SUPT16H: variants seen among roughly 807,000 people sequenced by gnomAD.
The protein encoded by SUPT16H is SPT16 homolog, facilitates chromatin remodeling subunit.
Under a neutral mutation model 136.2 loss-of-function variants are expected in SUPT16H, and 24 were observed. The ratio of observed to expected loss-of-function variants is 0.18; its 90% CI spans 0.13 to 0.25. The LOEUF is 0.25. Ranked by LOEUF, SUPT16H falls within the 10% of genes least tolerant of loss-of-function variation. The probability of loss-of-function intolerance (pLI) is 1.00; values close to 1 mark genes in which losing one functional copy is unlikely to be tolerated. For synonymous variants in SUPT16H, 415 were observed against 428.2 expected (o/e 0.97, Z 0.38); for missense variants, 623 against 1,270.2 (o/e 0.49, Z 7.74).
intron 3 of SUPT16H, 55 bp from the exon 4 acceptor site, chr14:21,370,543 C>A (rs1566390895): frequency 3.8e-6 from 6 of 1,570,362 alleles, no homozygotes; most frequent in Admixed American, 1.8e-5. Flanking sequence ...TCATTAGACA[C>A]GTTTTACCAG....
chr14:21,369,125 A>C (rs903517554), intron 6 of SUPT16H, 79 bp downstream of exon 6: 252 of 1,507,190 alleles, frequency 1.7e-4, no homozygotes, highest in Admixed American at 3.3e-4. Flanking sequence ...AGTGTACCCC[A>C]CAAATTTGTA....
intron 3 of SUPT16H, 83 bp downstream of exon 3, chr14:21,371,791 C>A: frequency 1.3e-6 from 2 of 1,529,470 alleles, no homozygotes; most frequent in Non-Finnish European, 1.8e-6. Context: ...CCTGCGCATT[C>A]TTTCAAACTC....
Position 21,363,489 on chromosome 14 carries a change from A to G in SUPT16H, c.1248T>C (p.Thr416=). 6.2e-7 allele frequency: 1 copy of G among 1,613,466 alleles called. No individual in the cohort carries two copies. Among genetic ancestry groups the G allele is most frequent in the Non-Finnish European group, 8.5e-7 (1 of 1,179,880 alleles). Residue 416 remains threonine, a synonymous_variant, in exon 11 of 26, where the codon ACT becomes ACC. Transcript: ENST00000216297. ...CTTTCTTCTTCACAGAAGTGAGAAC[A>G]GTAGCTGGGCCATCCTAGAATTAAA... ...TVLVDEDGPA[T]VLTSVKKKVK... is the part of the protein sequence containing the mutation.
Position 21,353,538 on chromosome 14 carries a change from T to C in SUPT16H, c.2948A>G (p.Glu983Gly). 1.2e-6 allele frequency: 2 copies of C among 1,614,142 alleles called. No individual in the cohort carries two copies. Among genetic ancestry groups the C allele is most frequent in the Non-Finnish European group, 1.7e-6 (2 of 1,180,010 alleles). The change falls in exon 25 of 26, where the codon GAA becomes GGA. Residue 983 changes from glutamate (E) to glycine (G), a missense_variant. Transcript: ENST00000216297. Reference protein sequence around the residue: ...SDYSKESLGSEEESGKDWDEL... With the variant: ...SDYSKESLGSGEESGKDWDEL... ...ATCCCAATCCTTTCCACTCTCTTCT[T>C]CACTACCCAATGACTCCTTAGAATA...
chr14:21,366,165 T>C (rs1218729704), intron 8 of SUPT16H, among the ~76,000 whole-genome samples: 1 of 152,140 alleles, frequency 6.6e-6, no homozygotes, highest in Non-Finnish European at 1.5e-5. Flanking sequence ...GGAGATATAG[T>C]ATGTATTGAT....
chr14:21,362,066 C>T (rs1034884323), intron 15 of SUPT16H, 131 bp downstream of exon 15: 42 of 1,135,402 alleles, frequency 3.7e-5, no homozygotes, highest in Middle Eastern at 3.1e-4. Flanking sequence ...GAAGGCGATC[C>T]GAAACAAGTA....
Position 21,361,695 on chromosome 14 carries a change from C to A in SUPT16H, c.1794-482G>T, listed in dbSNP as rs914879143. Among the ~76,000 whole-genome samples, 9 of 152,134 alleles carry A rather than the reference C, an allele frequency of 5.9e-5. 1 individual carries two copies. The highest frequency in any genetic ancestry group is 3.2e-3 in the Middle Eastern group (1 of 316). On this transcript the variant is annotated intron_variant, in intron 15 of 25. Transcript: ENST00000216297. ...TTTCACACCATGAAATCATAGAATC[C>A]AATGTGGCACCAGTTTTCTTATTTG...
intron 14 of SUPT16H, 112 bp downstream of exon 14, chr14:21,362,682 G>A (rs1648349389): frequency 8.0e-7 from 1 of 1,243,934 alleles, no homozygotes; most frequent in African/African-American, 1.5e-5. Context: ...ACTGAACAGA[G>A]TCTGAAGGAG....
At position 21,375,860 on chromosome 14, in the gene SUPT16H, T is replaced by C. The variant is rs574698180; in HGVS notation, c.67-2430A>G. On this transcript the variant is annotated intron_variant, in intron 1 of 25. Coordinates refer to ENST00000216297, the MANE Select transcript of SUPT16H (RefSeq NM_007192.4). The stretch of plus-strand genomic sequence containing the variant: ...CTCCTGCCTTGGCCTCCCAAAATGC[T>C]AGGATCACAGGTGTGAGCCACTGTG... Among the ~76,000 whole-genome samples the C allele has an allele frequency of 7.4e-4, 113 of 152,376 alleles. 1 individual carries two copies. The highest frequency in any genetic ancestry group is 1.3e-3 in the Non-Finnish European group (86 of 68,036).
chr14:21,382,655 C>T (rs891194370), intron 1 of SUPT16H, among the ~76,000 whole-genome samples: 24 of 119,260 alleles, frequency 2.0e-4, no homozygotes, highest in Non-Finnish European at 3.3e-4. Context: ...TTTCTAACAT[C>T]GATTATGTTT....
chr14:21,370,797 GAGAC>G (rs1318135024), intron 3 of SUPT16H, among the ~76,000 whole-genome samples: 1 of 140,928 alleles, frequency 7.1e-6, no homozygotes, highest in African/African-American at 2.6e-5. Context: ...TTTTTTTTTT[GAGAC>G]AGACTTGCTC....
intron 3 of SUPT16H, 68 bp downstream of exon 3, chr14:21,371,806 A>G (rs2139412996): frequency 6.3e-7 from 1 of 1,582,414 alleles, no homozygotes; most frequent in African/African-American, 1.4e-5. Context: ...AAACTCCTAT[A>G]AGGCATTTCT....
chr14:21,353,465 A>G, intron 25 of SUPT16H, 23 bp downstream of exon 25: 1 of 1,608,770 alleles, frequency 6.2e-7, no homozygotes, highest in Non-Finnish European at 8.5e-7. Context: ...CAAATGAATA[A>G]AAAACAACAC....
chr14:21,377,613 G>A (rs559961391), intron 1 of SUPT16H, among the ~76,000 whole-genome samples: 1 of 93,006 alleles, frequency 1.1e-5, no homozygotes, highest in South Asian at 5.4e-4. Flanking sequence ...AGTGGAGCTA[G>A]TGGTGAGCTT....
At chr14:21,367,936 G>C (rs1401534565) in intron 7 of SUPT16H, among the ~76,000 whole-genome samples, 8 of 152,144 alleles carry the variant, frequency 5.3e-5, no homozygotes, top group Non-Finnish European at 1.2e-4. Context: ...TATTGCCCAG[G>C]CTGGAGTGCA....
intron 3 of SUPT16H, among the ~76,000 whole-genome samples, chr14:21,371,132 A>C (rs1291661152): frequency 6.6e-6 from 1 of 151,900 alleles, no homozygotes; most frequent in Non-Finnish European, 1.5e-5. Flanking sequence ...TCGGCCTCTC[A>C]AAGTATTGGG....
chr14:21,377,266 A>G (rs941409962), intron 1 of SUPT16H, among the ~76,000 whole-genome samples: 1 of 152,202 alleles, frequency 6.6e-6, no homozygotes, highest in Non-Finnish European at 1.5e-5. Context: ...CAAAAGAGAC[A>G]TATCAAAGCA....
Position 21,352,529 on chromosome 14 carries a change from T to C in SUPT16H, c.*144A>G, listed in dbSNP as rs1886335502. The C allele has an allele frequency of 7.5e-7, 1 of 1,326,036 alleles. No individual in the cohort carries two copies. 82.1% of individuals were successfully genotyped at this position (1,326,036 alleles called of 1,614,324 possible). The stretch of plus-strand genomic sequence containing the variant: ...GCCTGGAATTCCCCGAGTAGATTGG[T>C]CCACACAAATGGCCCCCTAAACCCA... On this transcript the variant is annotated 3_prime_UTR_variant, in exon 26 of 26. Coordinates refer to ENST00000216297, the MANE Select transcript of SUPT16H (RefSeq NM_007192.4).
intron 7 of SUPT16H, 106 bp from the exon 8 acceptor site, chr14:21,366,635 G>A (rs1312536697): frequency 2.9e-6 from 3 of 1,036,718 alleles, no homozygotes; most frequent in East Asian, 5.1e-5. Context: ...TTCTCAAAGT[G>A]TGAACTAAAC....
Sources: gnomAD v4.1 joint callset for allele counts (sites outside exome capture counted in the v4.1 genomes callset) on GRCh38, gnomAD v4.1.1 for gene constraint, MANE v1.5 for transcripts, NCBI Gene and HGNC (gene_info 2026-07-23, HGNC 2026-07-21) for gene names.